The following ARHGAP15 variants were observed in gnomAD, a reference collection of about 807,000 sequenced individuals.
ARHGAP15 encodes the protein Rho GTPase activating protein 15.
Under a neutral mutation model 63.7 loss-of-function variants are expected in ARHGAP15, and 51 were observed. The observed-to-expected ratio is 0.80, with a 90% CI of 0.64 to 1.01. The LOEUF (loss-of-function observed/expected upper bound fraction) is 1.01. Among genes scored for constraint, ARHGAP15 ranks in the 50% least tolerant of loss-of-function variants. The probability of loss-of-function intolerance (pLI) is 0.00; values close to 1 mark genes in which losing one functional copy is unlikely to be tolerated. For missense variants in ARHGAP15, 560 were observed against 564.6 expected, an observed-to-expected ratio of 0.99 and a Z score of 0.08; for synonymous variants, 191 against 193.8, an observed-to-expected ratio of 0.99 and a Z score of 0.12.
At chr2:143,759,605 C>T (rs1031651097) in intron 13 of ARHGAP15, among the ~76,000 whole-genome samples, 2 of 152,146 alleles carry the variant, frequency 1.3e-5, no homozygotes, top group Non-Finnish European at 2.9e-5. Flanking sequence ...GCAGCATTTC[C>T]TACCTCTTTC....
At chr2:143,264,556 A>T (rs1369521459) in intron 6 of ARHGAP15, among the ~76,000 whole-genome samples, 1 of 152,066 alleles carries the variant, frequency 6.6e-6, no homozygotes, top group Non-Finnish European at 1.5e-5. Context: ...TGACATTCAG[A>T]AATACTCCTA....
rs1278205800 is a variant in ARHGAP15 at position 143,532,999 on chromosome 2, C to T, written c.925+13635C>T. Among the ~76,000 whole-genome samples, 3 of 152,198 alleles carry T rather than the reference C, an allele frequency of 2.0e-5. No homozygotes were observed. In the East Asian group the frequency reaches 5.8e-4, roughly 29 times the overall value. On this transcript the variant is annotated intron_variant, in intron 10 of 13. Transcript: ENST00000295095. ...AATTATTGGAGATTGTACAGAACGA[C>T]TATTTTATGAACAACAACTTCACTT...
rs547689456 is a variant in ARHGAP15 at position 143,256,642 on chromosome 2, G to A, written c.474+6042G>A. 5.9e-5 allele frequency among the ~76,000 whole-genome samples: 9 copies of A among 152,162 alleles called. No homozygotes were observed. In the East Asian group the frequency reaches 1.5e-3, roughly 26 times the overall value. On this transcript the variant is annotated intron_variant, in intron 6 of 13. Transcript: ENST00000295095. ...TGACACTTATTACTCCCCTACTGAG[G>A]TATCAGTACAATACTGTTTTTCTGA... is the stretch of plus-strand genomic sequence containing the variant.
chr2:143,499,615 A>G (rs551419980), intron 9 of ARHGAP15, among the ~76,000 whole-genome samples: 246 of 152,314 alleles, frequency 1.6e-3, no homozygotes, highest in African/African-American at 5.9e-3. Flanking sequence ...GTGGGTTTCT[A>G]TTCTACAGGG....
At chr2:143,620,952 G>A (rs549447668) in intron 11 of ARHGAP15, among the ~76,000 whole-genome samples, 1 of 152,212 alleles carries the variant, frequency 6.6e-6, no homozygotes, top group East Asian at 1.9e-4. Flanking sequence ...ATATCAATAT[G>A]TGTGTATCTA....
chr2:143,580,471 T>G (rs1696853121), intron 11 of ARHGAP15, among the ~76,000 whole-genome samples: 1 of 152,148 alleles, frequency 6.6e-6, no homozygotes, highest in African/African-American at 2.4e-5. Flanking sequence ...TCCACCTCGA[T>G]GACTTGCCGG....
intron 2 of ARHGAP15, among the ~76,000 whole-genome samples, chr2:143,180,742 C>T (rs112309802): frequency 0.026 from 3,985 of 152,230 alleles, 66 homozygotes; most frequent in Admixed American, 0.032. Flanking sequence ...GGCGTGATCT[C>T]GGCTAACTGC....
intron 12 of ARHGAP15, among the ~76,000 whole-genome samples, chr2:143,652,450 C>T (rs967783960): frequency 6.6e-6 from 1 of 152,140 alleles, no homozygotes; most frequent in African/African-American, 2.4e-5. Flanking sequence ...AATCATCTTG[C>T]TAACTTATAT....
At chr2:143,351,749 G>A (rs1026188955) in intron 6 of ARHGAP15, among the ~76,000 whole-genome samples, 16 of 152,170 alleles carry the variant, frequency 1.1e-4, no homozygotes, top group African/African-American at 3.9e-4. Context: ...CAGTAAGATC[G>A]AACTAATTGC....
chr2:143,446,330 T>A (rs1440250833), intron 8 of ARHGAP15, among the ~76,000 whole-genome samples: 1 of 151,908 alleles, frequency 6.6e-6, no homozygotes, highest in Admixed American at 6.6e-5. Context: ...TAATCATGAC[T>A]TTTGTTTGTT....
intron 10 of ARHGAP15, among the ~76,000 whole-genome samples, chr2:143,540,685 A>G (rs1325013825): frequency 1.3e-5 from 2 of 152,152 alleles, no homozygotes; most frequent in Admixed American, 6.5e-5. Context: ...TCTTTTCTTT[A>G]AGAATGTTGA....
chr2:143,399,575 G>A (rs1341947901), intron 6 of ARHGAP15, among the ~76,000 whole-genome samples: 1 of 151,994 alleles, frequency 6.6e-6, no homozygotes, highest in Non-Finnish European at 1.5e-5. Flanking sequence ...AGAACATTAC[G>A]ATTTACAGGG....
At chr2:143,761,787 C>T (rs1450147887) in intron 13 of ARHGAP15, among the ~76,000 whole-genome samples, 3 of 152,054 alleles carry the variant, frequency 2.0e-5, no homozygotes, top group Non-Finnish European at 2.9e-5. Context: ...CTAAAATAAA[C>T]TTAAGTTGAT....
intron 6 of ARHGAP15, among the ~76,000 whole-genome samples, chr2:143,363,182 C>G (rs2105339934): frequency 6.6e-6 from 1 of 152,262 alleles, no homozygotes; most frequent in South Asian, 2.1e-4. Context: ...GGTCTTCATT[C>G]ATTTTTTTGG....
chr2:143,734,570 C>G (rs1041583549), intron 13 of ARHGAP15, among the ~76,000 whole-genome samples: 1 of 152,120 alleles, frequency 6.6e-6, no homozygotes, highest in Non-Finnish European at 1.5e-5. Context: ...ATACAAGAAA[C>G]AGGAATTGGT....
At chr2:143,517,235 C>T (rs1337299358) in intron 9 of ARHGAP15, among the ~76,000 whole-genome samples, 1 of 152,142 alleles carries the variant, frequency 6.6e-6, no homozygotes, top group East Asian at 1.9e-4. Context: ...GTGTGAGTCA[C>T]CATGCCCGGC....
chr2:143,288,188 C>T (rs1682207164), intron 6 of ARHGAP15, among the ~76,000 whole-genome samples: 1 of 152,148 alleles, frequency 6.6e-6, no homozygotes, highest in African/African-American at 2.4e-5. Context: ...AGGTGTCATT[C>T]AAGGCCATAG....
rs543556918 is a variant in ARHGAP15 at position 143,297,602 on chromosome 2, C to A, written c.474+47002C>A. 3.3e-5 allele frequency among the ~76,000 whole-genome samples: 5 copies of A among 152,042 alleles called. No homozygotes were observed. In the East Asian group the frequency reaches 9.7e-4, roughly 29 times the overall value. On this transcript the variant is annotated intron_variant, in intron 6 of 13. Transcript: ENST00000295095. ...GTGATCTTCTCTCTTACAGGTATAT[C>A]CTTCTGTTTCAGGTTTGTTATGATG...
At chr2:143,493,458 C>G (rs561656801) in intron 9 of ARHGAP15, among the ~76,000 whole-genome samples, 1 of 152,294 alleles carries the variant, frequency 6.6e-6, no homozygotes, top group South Asian at 2.1e-4. Flanking sequence ...TGCTTTCAAA[C>G]CTTATGCTCT....
Sources: allele counts gnomAD v4.1 joint callset (sites outside exome capture counted in the v4.1 genomes callset), GRCh38; gene constraint gnomAD v4.1.1; transcripts MANE v1.5; gene names NCBI Gene and HGNC (gene_info 2026-07-23, HGNC 2026-07-21).